The following LAMA5 variants were observed in gnomAD, a reference collection of about 807,000 sequenced individuals.
LAMA5 encodes laminin subunit alpha-5.
LAMA5 carries 260 observed loss-of-function variants against 433.4 expected under a neutral mutation model. The ratio of observed to expected loss-of-function variants is 0.60; its 90% CI spans 0.54 to 0.66. LAMA5 has a LOEUF of 0.66. LAMA5 is among the 30% of genes least tolerant of loss of function. The probability of loss-of-function intolerance (pLI) is 0.00; values close to 1 mark genes in which losing one functional copy is unlikely to be tolerated. For missense variants in LAMA5, 5,378 were observed against 5,258.5 expected (o/e 1.02, Z -0.70); for synonymous variants, 2,620 against 2,226.6 (o/e 1.18, Z -4.97).
rs117627107 is a variant in LAMA5, at chr20:62,316,771, C to G, written c.7656G>C (p.Thr2552=). Reference sequence around the variant, plus strand: ...GGTCCACCAGGCCCTGCCGCACCACCGTCTGTGGATGCCAGGGCAGACCGT... The same window carrying G: ...GGTCCACCAGGCCCTGCCGCACCACGGTCTGTGGATGCCAGGGCAGACCGT... The part of the protein sequence containing the change: ...ALQQADHTWA[T]VVRQGLVDRA... Residue 2552 remains threonine, a splice_region_variant and synonymous_variant, in exon 57 of 80, where the codon ACG becomes ACC. Transcript: ENST00000252999. The G allele has an allele frequency of 1.2e-3, 1,966 of 1,603,436 alleles. 43 individuals are homozygous for G. In the East Asian group the frequency reaches 0.036, roughly 29 times the overall value.
chr20:62,363,136 AC>A (rs967750423), intron 1 of LAMA5, among the ~76,000 whole-genome samples: 6 of 151,492 alleles, frequency 4.0e-5, no homozygotes, highest in African/African-American at 7.3e-5. Flanking sequence ...AGGCGGCCAG[AC>A]CCCCCCCCAC....
At chr20:62,340,312 T>G (rs1028606268) in intron 11 of LAMA5, among the ~76,000 whole-genome samples, 2 of 140,264 alleles carry the variant, frequency 1.4e-5, no homozygotes, top group African/African-American at 5.2e-5. Flanking sequence ...TTTGTTTTTT[T>G]TTTTTTTTTT....
At chr20:62,320,482 G>A (rs1228972361) in intron 50 of LAMA5, 77 bp downstream of exon 50, 22 of 1,108,040 alleles carry the variant, frequency 2.0e-5, no homozygotes, top group Non-Finnish European at 2.9e-5. Flanking sequence ...AGTAACATCT[G>A]CTGAATGAGG....
Position 62,309,238 on chromosome 20 carries a change from G to A in LAMA5, c.*98C>T, listed in dbSNP as rs1231380087. 2.8e-5 allele frequency: 33 copies of A among 1,199,150 alleles called. 1 individual carries two copies. Among genetic ancestry groups the A allele is most frequent in the East Asian group, 1.3e-4 (5 of 39,814 alleles). The allele number at this position is 1,199,150 out of a possible 1,614,324, so 74.3% of individuals were successfully genotyped here. A position where few individuals can be genotyped will look rare whatever the true frequency, so the allele number is the denominator to read the frequency against. On this transcript the variant is annotated 3_prime_UTR_variant, in exon 80 of 80. Transcript: ENST00000252999. ...TCTTCAGAAACAAGATCTGTCACCC[G>A]TAGAGCTTAGAGTCCAAATAGACAC...
chr20:62,358,271 T>C (rs1250286149), intron 2 of LAMA5, among the ~76,000 whole-genome samples: 1 of 151,906 alleles, frequency 6.6e-6, no homozygotes, highest in Non-Finnish European at 1.5e-5. Flanking sequence ...AGAGGGAGGG[T>C]TTTGCCGTCT....
chr20:62,336,859 G>A (rs1003814075), intron 16 of LAMA5, 73 bp from the exon 17 acceptor site: 2 of 1,488,658 alleles, frequency 1.3e-6, no homozygotes, highest in Non-Finnish European at 1.8e-6. Flanking sequence ...CCCAGGCCCA[G>A]CCAGAACCCA....
rs1167373521 is a variant in LAMA5 at position 62,325,349 on chromosome 20, C to T, written c.5496G>A (p.Leu1832=). Reference sequence around the variant, plus strand: ...AGTCCCCCCGGTAGCTGGCGGGGCACAGGCACAGCTCCACATTGCTGGCCA... The same window carrying T: ...AGTCCCCCCGGTAGCTGGCGGGGCATAGGCACAGCTCCACATTGCTGGCCA... ...GALASNVELC[L]CPASYRGDSC... The change falls in exon 41 of 80, where the codon CTG becomes CTA. Residue 1832 remains leucine (L), a synonymous_variant. Transcript: ENST00000252999. 1 of 1,600,312 alleles carries T rather than the reference C, an allele frequency of 6.2e-7. No homozygotes were observed. Among genetic ancestry groups the T allele is most frequent in the African/African-American group, 1.3e-5 (1 of 74,774 alleles).
rs751879159 is a variant in LAMA5, at chr20:62,318,592, G to A, written c.7101C>T (p.Ala2367=). 5 of 1,610,758 alleles carry A rather than the reference G, an allele frequency of 3.1e-6. No individual in the cohort carries two copies. In the African/African-American group the frequency reaches 5.4e-5, roughly 17 times the overall value. ...GGGCCAGCCGGTCGCGGGTTTGTGT[G>A]GCCAGTGCCTGGTTCTCCTCCCAGA... ...SSLWEENQAL[A]TQTRDRLAQH... The change falls in exon 53 of 80, where the codon GCC becomes GCT. Residue 2367 remains alanine (A), a synonymous_variant. Coordinates refer to ENST00000252999, the MANE Select transcript of LAMA5 (RefSeq NM_005560.6).
rs1450733233 is a variant in LAMA5, at chr20:62,367,189, G to A, written c.57C>T (p.Pro19=). 1 of 1,221,322 alleles carries A rather than the reference G, an allele frequency of 8.2e-7. No individual in the cohort carries two copies. Among genetic ancestry groups the A allele is most frequent in the Non-Finnish European group, 1.0e-6 (1 of 983,224 alleles). 75.7% of individuals were successfully genotyped at this position (1,221,322 alleles called of 1,614,324 possible). The change falls in exon 1 of 80, where the codon CCC becomes CCT. Residue 19 remains proline (P), a synonymous_variant. Transcript: ENST00000252999. ...SALCVRGPRG[P]APLLLVGLAL... ...CCAGCCCGACCAGCAGCAGCGGCGC[G>A]GGGCCCCGGGGGCCGCGAACACACA...
rs1283240809 is a variant in LAMA5 at position 62,309,969 on chromosome 20, G to A, written c.10828+19C>T. Reference sequence around the variant, plus strand: ...AGGGTGGGGGTGGCAGAGTGCCCTGGCCACAGGAGGGGCCTCACCCGCTAG... The same window carrying A: ...AGGGTGGGGGTGGCAGAGTGCCCTGACCACAGGAGGGGCCTCACCCGCTAG... On this transcript the variant is annotated intron_variant, in intron 78 of 79. Transcript: ENST00000252999. The A allele has an allele frequency of 1.2e-6, 2 of 1,608,520 alleles. No homozygotes were observed. The highest frequency in any genetic ancestry group is 1.7e-6 in the Non-Finnish European group (2 of 1,178,924).
At chr20:62,351,458 CAAGGCCCCCCAAACCAAGAT>C (rs1335621882) in intron 6 of LAMA5, among the ~76,000 whole-genome samples, 3 of 152,172 alleles carry the variant, frequency 2.0e-5, no homozygotes, top group Non-Finnish European at 4.4e-5. Flanking sequence ...GGCAGTAGGG[CAAGGCCCCCCAAACCAAGAT>C]AGGGCACCCT....
rs960610031 is a variant in LAMA5 at position 62,351,945 on chromosome 20, C to T, written c.822G>A (p.Met274Ile). The change falls in exon 5 of 80, where the codon ATG becomes ATA. Residue 274 changes from methionine (M) to isoleucine (I), a missense_variant. Transcript: ENST00000252999. Reference sequence around the variant, plus strand: ...CCGTGGGGTCCCGCAGCGCCTTCCCCATGAGATGGCCCAGCAGCGTGTTGG... The same window carrying T: ...CCGTGGGGTCCCGCAGCGCCTTCCCTATGAGATGGCCCAGCAGCGTGTTGG... ...LRTNTLLGHL[M>I]GKALRDPTVT... is the part of the protein sequence containing the mutation. The T allele has an allele frequency of 6.2e-7, 1 of 1,611,598 alleles. No homozygotes were observed. Among genetic ancestry groups the T allele is most frequent in the Non-Finnish European group, 8.5e-7 (1 of 1,179,558 alleles).
chr20:62,321,035 T>G, intron 48 of LAMA5, 145 bp from the exon 49 acceptor site: 1 of 858,104 alleles, frequency 1.2e-6, no homozygotes, highest in African/African-American at 1.7e-5. Flanking sequence ...TGTGGGGAGG[T>G]CCCAGAGTTC....
intron 25 of LAMA5, 26 bp downstream of exon 25, chr20:62,333,349 G>A (rs754687349): frequency 1.3e-5 from 21 of 1,602,890 alleles, no homozygotes; most frequent in East Asian, 1.1e-4. Flanking sequence ...CCCCCACCCC[G>A]GTCCCACCGC....
chr20:62,320,412 G>A (rs1987553694), intron 50 of LAMA5, 147 bp downstream of exon 50: 1 of 608,870 alleles, frequency 1.6e-6, no homozygotes, highest in Non-Finnish European at 2.9e-6. Flanking sequence ...TCAGTGACTT[G>A]GTCAACCCCT....
chr20:62,329,270 G>A lies in LAMA5; in HGVS notation c.4120-17C>T, dbSNP rs771220565. ...TACATAATCCTAGGGGGTGAGGCCTGGTCACTCTCCCGCGGGCCCAGAGCC... is the reference window on the plus strand; with the variant it reads ...TACATAATCCTAGGGGGTGAGGCCTAGTCACTCTCCCGCGGGCCCAGAGCC... On this transcript the variant is annotated splice_polypyrimidine_tract_variant and intron_variant, in intron 32 of 79. Transcript: ENST00000252999. 14 of 1,580,558 alleles carry A rather than the reference G, an allele frequency of 8.9e-6. No homozygotes were observed. Among genetic ancestry groups the A allele is most frequent in the Non-Finnish European group, 1.2e-5 (14 of 1,152,046 alleles).
At chr20:62,353,102 T>G in intron 3 of LAMA5, 32 bp downstream of exon 3, 1 of 1,484,660 alleles carries the variant, frequency 6.7e-7, no homozygotes, top group Non-Finnish European at 9.2e-7. Context: ...CCCCTGCCTC[T>G]CCCCCCAGGC....
intron 2 of LAMA5, among the ~76,000 whole-genome samples, chr20:62,360,076 C>T (rs1000758325): frequency 6.6e-6 from 1 of 151,068 alleles, no homozygotes; most frequent in African/African-American, 2.4e-5. Context: ...CCAGGATCAG[C>T]CCTGAAGCCC....
At position 62,309,308 on chromosome 20, in the gene LAMA5, C is replaced by T; in HGVS notation, c.*28G>A. On this transcript the variant is annotated 3_prime_UTR_variant, in exon 80 of 80. Transcript: ENST00000252999. Reference sequence around the variant, plus strand: ...GGCGGTGTGAGGCAGCTGCAGGGGCCTGACCAGGGGCCGGGGTTGGCTGTG... The same window carrying T: ...GGCGGTGTGAGGCAGCTGCAGGGGCTTGACCAGGGGCCGGGGTTGGCTGTG... 6.3e-7 allele frequency: 1 copy of T among 1,588,376 alleles called. No homozygotes were observed. The highest frequency in any genetic ancestry group is 1.1e-5 in the South Asian group (1 of 89,166).
Sources: gnomAD v4.1 joint callset for allele counts (sites outside exome capture counted in the v4.1 genomes callset) on GRCh38, gnomAD v4.1.1 for gene constraint, MANE v1.5 for transcripts, NCBI Gene and HGNC (gene_info 2026-07-23, HGNC 2026-07-21) for gene names.